The following ARHGAP10 variants were observed in gnomAD, a reference collection of about 807,000 sequenced individuals.
ARHGAP10 encodes Rho GTPase activating protein 10.
A neutral mutation model predicts 108.6 loss-of-function variants in ARHGAP10; 87 were observed. The observed-to-expected ratio is 0.80, with a 90% CI of 0.67 to 0.96. The LOEUF (loss-of-function observed/expected upper bound fraction) is 0.96, where lower values mean the gene tolerates loss of function less well. ARHGAP10 is among the 40% of genes least tolerant of loss of function. ARHGAP10 has a pLI of 0.00. For missense variants in ARHGAP10, 939 were observed against 954.5 expected (o/e 0.98, Z 0.21); for synonymous variants, 347 against 341.1 (o/e 1.02, Z -0.19).
intron 3 of ARHGAP10, among the ~76,000 whole-genome samples, chr4:147,840,797 C>T (rs900475257): frequency 6.6e-6 from 1 of 152,188 alleles, no homozygotes; most frequent in African/African-American, 2.4e-5. Flanking sequence ...CTCTTTAGCT[C>T]GAGAGCTCCT....
chr4:148,043,752 A>ATGTATATATATG (rs772766838), intron 19 of ARHGAP10, among the ~76,000 whole-genome samples: 3 of 142,670 alleles, frequency 2.1e-5, no homozygotes, highest in Admixed American at 7.0e-5. Context: ...ATATGTATAT[A>ATGTATATATATG]TGTATATATA....
intron 18 of ARHGAP10, among the ~76,000 whole-genome samples, chr4:147,977,725 T>C (rs1464206479): frequency 1.3e-5 from 2 of 152,094 alleles, no homozygotes; most frequent in African/African-American, 2.4e-5. Flanking sequence ...TTACATGGTG[T>C]TGAAGTTGGA....
chr4:147,827,015 A>C (rs1732735633), intron 3 of ARHGAP10, among the ~76,000 whole-genome samples: 1 of 152,168 alleles, frequency 6.6e-6, no homozygotes, highest in Admixed American at 6.6e-5. Context: ...TCTCCTTTAC[A>C]AGAATTCCTG....
At chr4:147,920,697 T>C (rs1320706675) in intron 13 of ARHGAP10, among the ~76,000 whole-genome samples, 1 of 152,224 alleles carries the variant, frequency 6.6e-6, no homozygotes, top group Non-Finnish European at 1.5e-5. Flanking sequence ...GTAATTGAAG[T>C]GTACCAGATG....
rs774406074 is a variant in ARHGAP10, at chr4:147,847,152, C to T, written c.314C>T (p.Ala105Val). Residue 105 changes from alanine to valine, a missense_variant and splice_region_variant, in exon 4 of 23, where the codon GCA (alanine) becomes GTA (valine). Physicochemically the swap from Ala to Val is moderately conservative, Grantham distance 64 (BLOSUM62 0). Transcript: ENST00000336498. Reference protein sequence around the residue: ...KNLEEQREIMALSVTETLIKP... With the variant: ...KNLEEQREIMVLSVTETLIKP... ...TTTGTTATCACTCTTGTTCTCTAGG[C>T]ATTAAGTGTAACTGAAACCCTGATT... is the stretch of plus-strand genomic sequence containing the variant. 3.1e-6 allele frequency: 5 copies of T among 1,611,416 alleles called. No homozygotes were observed. Among genetic ancestry groups the T allele is most frequent in the East Asian group, 4.5e-5 (2 of 44,870 alleles).
At chr4:147,906,060 G>A (rs1014905243) in intron 10 of ARHGAP10, among the ~76,000 whole-genome samples, 1 of 152,142 alleles carries the variant, frequency 6.6e-6, no homozygotes, top group Non-Finnish European at 1.5e-5. Context: ...AAGAATGCTT[G>A]TGATTTTTGT....
chr4:147,778,357 T>G (rs968076675), intron 1 of ARHGAP10, among the ~76,000 whole-genome samples: 1 of 152,164 alleles, frequency 6.6e-6, no homozygotes, highest in Non-Finnish European at 1.5e-5. Context: ...GTGTTTACAG[T>G]GTGCTACAAC....
intron 3 of ARHGAP10, among the ~76,000 whole-genome samples, chr4:147,842,476 C>A (rs1733456044): frequency 1.3e-5 from 2 of 152,136 alleles, no homozygotes; most frequent in African/African-American, 4.8e-5. Flanking sequence ...ACTTTCTGAG[C>A]ATTTCCTGGG....
At chr4:147,762,897 A>G (rs949802594) in intron 1 of ARHGAP10, among the ~76,000 whole-genome samples, 6 of 152,104 alleles carry the variant, frequency 3.9e-5, no homozygotes, top group Admixed American at 3.9e-4. Context: ...TGCTCATCAG[A>G]ACATCTGTCG....
At chr4:147,860,976 T>A (rs1412610109) in intron 5 of ARHGAP10, 1 of 152,242 alleles carries the variant, frequency 6.6e-6, no homozygotes, top group Non-Finnish European at 1.5e-5. Flanking sequence ...TGTCACGGAA[T>A]TTTTAGGATG....
intron 1 of ARHGAP10, among the ~76,000 whole-genome samples, chr4:147,742,709 C>T (rs1728734486): frequency 1.3e-5 from 2 of 151,726 alleles, no homozygotes; most frequent in African/African-American, 2.4e-5. Context: ...TGGTCTTGAA[C>T]TCCTGACCTC....
intron 16 of ARHGAP10, among the ~76,000 whole-genome samples, chr4:147,956,320 A>C (rs1051956107): frequency 1.1e-4 from 17 of 152,092 alleles, no homozygotes; most frequent in African/African-American, 3.9e-4. Context: ...CATTGCTTTA[A>C]ATGTTACCTT....
chr4:147,966,432 A>G (rs1215184562), intron 17 of ARHGAP10, among the ~76,000 whole-genome samples: 1 of 152,194 alleles, frequency 6.6e-6, no homozygotes, highest in African/African-American at 2.4e-5. Context: ...CTGAGGGCCA[A>G]CTGTGCATGG....
intron 5 of ARHGAP10, among the ~76,000 whole-genome samples, chr4:147,859,076 G>T (rs1050371380): frequency 1.3e-5 from 2 of 152,202 alleles, no homozygotes; most frequent in African/African-American, 4.8e-5. Context: ...CCCAGCTGGG[G>T]TCAGCATAGC....
rs143282710 is a variant in ARHGAP10 at position 147,969,263 on chromosome 4, G to A, written c.1716+2424G>A. Among the ~76,000 whole-genome samples, 525 of 151,064 alleles carry A rather than the reference G, an allele frequency of 3.5e-3. 2 individuals are homozygous for A. Among genetic ancestry groups the A allele is most frequent in the African/African-American group, 0.012 (504 of 41,122 alleles). ...AAGATAAGCTTGAAAGCTGATTGGG[G>A]ATTTTCTTTACCATTATGGTAAAAG... On this transcript the variant is annotated intron_variant, in intron 18 of 22. Transcript: ENST00000336498.
intron 22 of ARHGAP10, among the ~76,000 whole-genome samples, chr4:148,065,937 G>A (rs1297530052): frequency 7.5e-6 from 1 of 133,178 alleles, no homozygotes; most frequent in African/African-American, 2.7e-5. Flanking sequence ...CTTGTGCCCA[G>A]GAGTTCGAGG....
intron 1 of ARHGAP10, among the ~76,000 whole-genome samples, chr4:147,795,941 C>T (rs1355784880): frequency 2.6e-5 from 4 of 152,138 alleles, no homozygotes; most frequent in African/African-American, 9.7e-5. Context: ...GATCCGCCCA[C>T]CTCGGCCTCT....
Position 147,993,647 on chromosome 4 carries a change from C to T in ARHGAP10, c.1716+26808C>T, listed in dbSNP as rs12508612. Among the ~76,000 whole-genome samples, 487 of 152,276 alleles carry T rather than the reference C, an allele frequency of 3.2e-3. 1 individual carries two copies. The highest frequency in any genetic ancestry group is 5.3e-3 in the Non-Finnish European group (360 of 68,016). ...GAGTTTGGACCTACAAGGAGCCTGT[C>T]GTTTGCTTTGTTCAAAGCCAGGTTA... On this transcript the variant is annotated intron_variant, in intron 18 of 22. Coordinates refer to ENST00000336498, the MANE Select transcript of ARHGAP10 (RefSeq NM_024605.4).
At chr4:147,862,708 T>C (rs1457896391) in intron 5 of ARHGAP10, 1 of 152,232 alleles carries the variant, frequency 6.6e-6, no homozygotes, top group African/African-American at 2.4e-5. Flanking sequence ...GTAATTACAG[T>C]AGCAAGAACA....
Sources: gnomAD v4.1 joint callset for allele counts (sites outside exome capture counted in the v4.1 genomes callset) on GRCh38, gnomAD v4.1.1 for gene constraint, MANE v1.5 for transcripts, NCBI Gene and HGNC (gene_info 2026-07-23, HGNC 2026-07-21) for gene names.